The following ACTR1B variants were observed in gnomAD, a reference collection of about 807,000 sequenced individuals.
The protein encoded by ACTR1B is actin related protein 1B, also known as beta-centractin.
In ACTR1B, 34 loss-of-function variants were observed where a neutral mutation model predicts 49.4. That is an observed-to-expected ratio of 0.69 (90% confidence interval 0.52 to 0.92). The LOEUF (loss-of-function observed/expected upper bound fraction) is 0.92, where lower values mean the gene tolerates loss of function less well. ACTR1B is among the 40% of genes least tolerant of loss of function. The pLI, the probability that ACTR1B is intolerant of heterozygous loss-of-function variation, is 0.00. For synonymous variants in ACTR1B, 207 were observed against 207.8 expected, an observed-to-expected ratio of 1.00 and a Z score of 0.03; for missense variants, 471 against 522.4, an observed-to-expected ratio of 0.90 and a Z score of 0.96.
At chr2:97,661,124 T>A (rs1289298681) in intron 2 of ACTR1B, among the ~76,000 whole-genome samples, 2 of 152,214 alleles carry the variant, frequency 1.3e-5, no homozygotes, top group East Asian at 3.9e-4. Context: ...TCTTGGAAAC[T>A]ATAGGATCTG....
chr2:97,660,733 C>A (rs992187170), intron 2 of ACTR1B, 87 bp from the exon 3 acceptor site: 3 of 1,331,022 alleles, frequency 2.3e-6, no homozygotes, highest in Non-Finnish European at 3.2e-6. Context: ...CATAGTCGCC[C>A]AGAGGGTACC....
chr2:97,659,298 G>A lies in ACTR1B; in HGVS notation c.315+54C>T. The A allele has an allele frequency of 6.2e-7, 1 of 1,611,200 alleles. No homozygotes were observed. The highest frequency in any genetic ancestry group is 1.1e-5 in the South Asian group (1 of 91,008). On this transcript the variant is annotated intron_variant, in intron 4 of 10. Coordinates refer to ENST00000289228, the MANE Select transcript of ACTR1B (RefSeq NM_005735.4). The surrounding 1 kb of genome is among the most constrained non-coding windows in gnomAD (Gnocchi z 4.0). ...GAGCCCGGCGAGGAGGGACGCAGAG[G>A]AGAGGGGCATGGCCAGGAGAATGCA...
rs1201664126 is a variant in ACTR1B at position 97,656,904 on chromosome 2, T to C, written c.1085A>G (p.Glu362Gly). 1 of 1,595,710 alleles carries C rather than the reference T, an allele frequency of 6.3e-7. No individual in the cohort carries two copies. The highest frequency in any genetic ancestry group is 8.5e-7 in the Non-Finnish European group (1 of 1,171,170). Residue 362 changes from glutamate (E) to glycine (G), a missense_variant, in exon 11 of 11, where the codon GAG becomes GGG. Transcript: ENST00000289228. ...AGCACGGGAGCCATCCTCTTCATAC[T>C]CCTTTTTGGACACCCACATCTTCTT... ...TFKKMWVSKK[E>G]YEEDGSRAIH...
At chr2:97,662,321 T>A (rs1457892313) in intron 1 of ACTR1B, among the ~76,000 whole-genome samples, 1 of 151,944 alleles carries the variant, frequency 6.6e-6, no homozygotes, top group African/African-American at 2.4e-5. Context: ...GGCACCTTCC[T>A]CTGCACAACT....
At chr2:97,657,123 C>T (rs113828415) in intron 10 of ACTR1B, 29 bp downstream of exon 10, 1 of 1,609,428 alleles carries the variant, frequency 6.2e-7, no homozygotes, top group East Asian at 2.2e-5. Context: ...TGGTCTCCTC[C>T]CAGAGCCCTC....
At chr2:97,661,500 C>T (rs1049992552) in intron 2 of ACTR1B, among the ~76,000 whole-genome samples, 16 of 152,346 alleles carry the variant, frequency 1.1e-4, no homozygotes, top group Middle Eastern at 3.4e-3. Context: ...AAAACAAGCC[C>T]GGCAGAAAAC....
In ACTR1B at chr2:97,663,934, G is replaced by T; in HGVS notation, c.-44C>A. ...CTGCCCAGCAGGCGGGCTGCAGGAG[G>T]CACCGGATGGGCGGGCGGGCGGGAG... On this transcript the variant is annotated 5_prime_UTR_variant, in exon 1 of 11. Transcript: ENST00000289228. The T allele has an allele frequency of 7.5e-6, 2 of 267,022 alleles. No homozygotes were observed. Among genetic ancestry groups the T allele is most frequent in the Non-Finnish European group, 1.4e-5 (2 of 139,260 alleles). 16.5% of individuals were successfully genotyped at this position (267,022 alleles called of 1,614,324 possible). A position where few individuals can be genotyped will look rare whatever the true frequency, so the allele number is the denominator to read the frequency against.
chr2:97,661,046 G>A (rs1675000719), intron 2 of ACTR1B, among the ~76,000 whole-genome samples: 1 of 152,200 alleles, frequency 6.6e-6, no homozygotes, highest in South Asian at 2.1e-4. Flanking sequence ...GGGCTCCCTT[G>A]TGCACCCTGC....
At position 97,656,558 on chromosome 2, in the gene ACTR1B, T is replaced by G; in HGVS notation, c.*300A>C. 9.4e-6 allele frequency: 3 copies of G among 319,994 alleles called. No homozygotes were observed. Among genetic ancestry groups the G allele is most frequent in the South Asian group, 4.0e-5 (1 of 25,148 alleles). 19.8% of individuals were successfully genotyped at this position (319,994 alleles called of 1,614,324 possible). A position where few individuals can be genotyped will look rare whatever the true frequency, so the allele number is the denominator to read the frequency against. On this transcript the variant is annotated 3_prime_UTR_variant, in exon 11 of 11. Transcript: ENST00000289228. Reference sequence around the variant, plus strand: ...GAGCTCAGGGAGGCAGCCCTGAGAGTCGGAGCAGGGAACCACAGGCCTAGC... The same window carrying G: ...GAGCTCAGGGAGGCAGCCCTGAGAGGCGGAGCAGGGAACCACAGGCCTAGC...
Position 97,656,820 on chromosome 2 carries a change from C to A in ACTR1B, c.*38G>T. 6.6e-7 allele frequency: 1 copy of A among 1,510,066 alleles called. No homozygotes were observed. 93.5% of individuals were successfully genotyped at this position (1,510,066 alleles called of 1,614,324 possible). The stretch of plus-strand genomic sequence containing the variant: ...AGGGTTAAAGGCTCTGTCTCCCCTC[C>A]CTCCCCCTCTCCCAACATGCCCCGC... On this transcript the variant is annotated 3_prime_UTR_variant, in exon 11 of 11. Transcript: ENST00000289228.
At chr2:97,657,915 A>C (rs1573180460) in intron 8 of ACTR1B, 28 bp downstream of exon 8, 1 of 1,609,682 alleles carries the variant, frequency 6.2e-7, no homozygotes, top group South Asian at 1.1e-5. Flanking sequence ...GCCTCGTCTC[A>C]CCACCACCAA....
Position 97,656,714 on chromosome 2 carries a change from G to C in ACTR1B, c.*144C>G. ...GTCCTGTGTAGAGGGGAAGGCTGCA[G>C]GGGGGCACTGCTGTGCCACCCACCC... is the stretch of plus-strand genomic sequence containing the variant. On this transcript the variant is annotated 3_prime_UTR_variant, in exon 11 of 11. Transcript: ENST00000289228. 1 of 659,882 alleles carries C rather than the reference G, an allele frequency of 1.5e-6. No individual in the cohort carries two copies. The highest frequency in any genetic ancestry group is 2.7e-6 in the Non-Finnish European group (1 of 369,956). The allele number at this position is 659,882 out of a possible 1,614,324, so 40.9% of individuals were successfully genotyped here.
intron 8 of ACTR1B, 105 bp downstream of exon 8, chr2:97,657,838 C>T (rs996447373): frequency 1.7e-5 from 23 of 1,388,554 alleles, no homozygotes; most frequent in Non-Finnish European, 2.3e-5. Flanking sequence ...TCATTGAGCA[C>T]CACCAAAAAG....
chr2:97,657,806 T>G (rs886560564), intron 8 of ACTR1B, 137 bp downstream of exon 8: 57 of 1,026,828 alleles, frequency 5.6e-5, no homozygotes, highest in Non-Finnish European at 7.8e-5. Context: ...AATTTTAAAT[T>G]TTGGTCTGTT....
chr2:97,663,916 G>C lies in ACTR1B; in HGVS notation c.-26C>G. 1 of 1,186,140 alleles carries C rather than the reference G, an allele frequency of 8.4e-7. No homozygotes were observed. The highest frequency in any genetic ancestry group is 1.1e-6 in the Non-Finnish European group (1 of 907,828). 73.5% of individuals were successfully genotyped at this position (1,186,140 alleles called of 1,614,324 possible). On this transcript the variant is annotated 5_prime_UTR_variant, in exon 1 of 11. Coordinates refer to ENST00000289228, the MANE Select transcript of ACTR1B (RefSeq NM_005735.4). Reference sequence around the variant, plus strand: ...GGCCGGGCCGCGCCGGCCCTGCCCAGCAGGCGGGCTGCAGGAGGCACCGGA... The same window carrying C: ...GGCCGGGCCGCGCCGGCCCTGCCCACCAGGCGGGCTGCAGGAGGCACCGGA...
intron 1 of ACTR1B, among the ~76,000 whole-genome samples, chr2:97,662,997 A>G (rs1300418113): frequency 6.6e-6 from 1 of 152,200 alleles, no homozygotes; most frequent in Non-Finnish European, 1.5e-5. Flanking sequence ...GATCCCAGAA[A>G]GAGCACAAGT....
intron 1 of ACTR1B, among the ~76,000 whole-genome samples, chr2:97,662,512 A>G (rs570214567): frequency 2.0e-5 from 3 of 151,788 alleles, no homozygotes; most frequent in Non-Finnish European, 2.9e-5. Context: ...GCATGGGATG[A>G]CCGGCAGCTT....
At chr2:97,661,754 C>A in intron 2 of ACTR1B, 128 bp downstream of exon 2, 1 of 876,006 alleles carries the variant, frequency 1.1e-6, no homozygotes, top group Admixed American at 2.2e-5. Flanking sequence ...GAGTGTCAAC[C>A]TCACAAATTT....
chr2:97,657,551 C>G (rs759433479), intron 8 of ACTR1B, 42 bp from the exon 9 acceptor site: 1 of 1,604,464 alleles, frequency 6.2e-7, no homozygotes, highest in South Asian at 1.1e-5. Flanking sequence ...CTGCACCCGG[C>G]CTCCTCGCTG....
Sources: gnomAD v4.1 joint callset for allele counts (sites outside exome capture counted in the v4.1 genomes callset) on GRCh38, gnomAD v4.1.1 for gene constraint, Gnocchi (gnomAD v3.1) non-coding constraint, MANE v1.5 for transcripts, NCBI Gene and HGNC (gene_info 2026-07-23, HGNC 2026-07-21) for gene names.